The following RUNX1T1 variants were observed in gnomAD, a reference collection of about 807,000 sequenced individuals.
RUNX1T1 encodes the protein RUNX1 partner transcriptional co-repressor 1, also known as protein CBFA2T1.
In RUNX1T1, 4 loss-of-function variants were observed where a neutral mutation model predicts 62.8. The ratio of observed to expected loss-of-function variants is 0.06; its 90% confidence interval spans 0.03 to 0.15. The LOEUF (loss-of-function observed/expected upper bound fraction) is 0.15, where lower values mean the gene tolerates loss of function less well. Among genes scored for constraint, RUNX1T1 ranks in the 10% least tolerant of loss-of-function variants. The probability of loss-of-function intolerance (pLI) is 1.00; values close to 1 mark genes in which losing one functional copy is unlikely to be tolerated. For synonymous variants in RUNX1T1, 291 were observed against 286.0 expected, an observed-to-expected ratio of 1.02 and a Z score of -0.18; for missense variants, 508 against 754.3, an observed-to-expected ratio of 0.67 and a Z score of 3.82.
In RUNX1T1 at chr8:91,982,311, C is replaced by A. The variant is rs561890519; in HGVS notation, c.1198+3813G>T. On this transcript the variant is annotated intron_variant, in intron 8 of 10. Transcript: ENST00000396218. ...AAAACAAAAAGAGCGCACACAGATA[C>A]AAGACAAACTACAGAAAGATTCTAG... 2.0e-5 allele frequency among the ~76,000 whole-genome samples: 3 copies of A among 148,284 alleles called. No individual in the cohort carries two copies. In the East Asian group the frequency reaches 5.9e-4, roughly 29 times the overall value.
Position 92,005,102 on chromosome 8 carries a change from C to T in RUNX1T1, c.659+14G>A. ...AAAAGGTCATGGTTCATCCAGGCTC[C>T]TCCTCCCTCTCACCTGTCTGGAGTT... is the stretch of plus-strand genomic sequence containing the variant. On this transcript the variant is annotated intron_variant, in intron 5 of 10. Transcript: ENST00000396218. The T allele has an allele frequency of 6.3e-7, 1 of 1,587,404 alleles. No homozygotes were observed. The highest frequency in any genetic ancestry group is 8.6e-7 in the Non-Finnish European group (1 of 1,168,700).
At chr8:92,033,401 G>T (rs1284019888) in intron 1 of RUNX1T1, among the ~76,000 whole-genome samples, 2 of 152,200 alleles carry the variant, frequency 1.3e-5, no homozygotes, top group African/African-American at 4.8e-5. Context: ...TTTGTAAAAA[G>T]ACTAGAAGGG....
chr8:92,017,207 G>A lies in RUNX1T1; in HGVS notation c.145+19C>T. 2 of 1,510,834 alleles carry A rather than the reference G, an allele frequency of 1.3e-6. No individual in the cohort carries two copies. The highest frequency in any genetic ancestry group is 1.8e-6 in the Non-Finnish European group (2 of 1,102,170). The allele number at this position is 1,510,834 out of a possible 1,614,324, so 93.6% of individuals were successfully genotyped here. A position where few individuals can be genotyped will look rare whatever the true frequency, so the allele number is the denominator to read the frequency against. ...TAAACTTTAAAACTGAAACTCAAAAGCCTGAAATGACTACTTACACGTTGT... is the reference window on the plus strand; with the variant it reads ...TAAACTTTAAAACTGAAACTCAAAAACCTGAAATGACTACTTACACGTTGT... On this transcript the variant is annotated intron_variant, in intron 2 of 10. Coordinates refer to ENST00000396218, the Ensembl canonical transcript of RUNX1T1.
intron 1 of RUNX1T1, among the ~76,000 whole-genome samples, chr8:92,021,603 A>C (rs995073782): frequency 3.3e-5 from 5 of 152,152 alleles, no homozygotes; most frequent in African/African-American, 1.2e-4. Flanking sequence ...TCTCTCCACC[A>C]TTAGTAGTGA....
chr8:92,000,873 AG>A (rs536322475), intron 5 of RUNX1T1, among the ~76,000 whole-genome samples: 53 of 152,340 alleles, frequency 3.5e-4, no homozygotes, highest in Middle Eastern at 3.4e-3. Flanking sequence ...AAAAAAGAGA[AG>A]CTTAAGTCTT....
chr8:91,970,043 T>TGTGTGTGTGTGTTGTGTG (rs11374252), intron 10 of RUNX1T1, among the ~76,000 whole-genome samples: 1,621 of 142,770 alleles, frequency 0.011, 23 homozygotes, highest in African/African-American at 0.04. Context: ...TGTGTGTGTG[T>TGTGTGTGTGTGTTGTGTG]TGTGTGTGTG....
At chr8:92,062,976 T>A (rs200534802), upstream of RUNX1T1, 2,468 of 1,213,230 alleles carry the variant, frequency 2.0e-3, 9 homozygotes, top group South Asian at 5.6e-3. Flanking sequence ...ACCACCCCCA[T>A]CCTGTTCAAG....
At chr8:92,001,981 C>T (rs561114962) in intron 5 of RUNX1T1, among the ~76,000 whole-genome samples, 1 of 152,252 alleles carries the variant, frequency 6.6e-6, no homozygotes, top group East Asian at 1.9e-4. Context: ...TTAAAGAGGG[C>T]TCTTAGCTTC....
rs1820271441 is a variant in RUNX1T1 at position 92,004,085 on chromosome 8, C to T, written c.659+1031G>A. The stretch of plus-strand genomic sequence containing the variant: ...ATTCTGATTTGCAAAGCAGCTAATA[C>T]ATTTAAGGATAGCTAAGTCAGTCAC... On this transcript the variant is annotated intron_variant, in intron 5 of 10. Transcript: ENST00000396218. 5.3e-5 allele frequency among the ~76,000 whole-genome samples: 8 copies of T among 152,294 alleles called. No individual in the cohort carries two copies. The South Asian group carries it at 1.7e-3, about 32-fold the overall frequency.
At chr8:91,986,757 C>T (rs925541647) in intron 7 of RUNX1T1, 130 bp downstream of exon 8, 9 of 674,604 alleles carry the variant, frequency 1.3e-5, no homozygotes, top group Middle Eastern at 5.4e-4. Flanking sequence ...TATTCTCGCT[C>T]ATTTTTTTTT....
At chr8:91,989,264 T>C (rs1817185484) in intron 6 of RUNX1T1, among the ~76,000 whole-genome samples, 1 of 152,196 alleles carries the variant, frequency 6.6e-6, no homozygotes, top group Non-Finnish European at 1.5e-5. Flanking sequence ...TATATCTTTA[T>C]GACAATTTTT....
intron 1 of RUNX1T1, among the ~76,000 whole-genome samples, chr8:92,018,482 C>A (rs1049873970): frequency 4.3e-4 from 65 of 152,216 alleles, no homozygotes; most frequent in African/African-American, 1.5e-3. Context: ...CATGAACACA[C>A]ACACACCCAA....
At chr8:92,074,131 T>C (rs957157922) in intron 2 of RUNX1T1, among the ~76,000 whole-genome samples, 2 of 151,622 alleles carry the variant, frequency 1.3e-5, no homozygotes, top group Non-Finnish European at 2.9e-5. Flanking sequence ...TACAGGAGAG[T>C]AGGAGAGACA....
chr8:92,044,850 C>T (rs1829110577), intron 1 of RUNX1T1, among the ~76,000 whole-genome samples: 1 of 152,152 alleles, frequency 6.6e-6, no homozygotes, highest in Non-Finnish European at 1.5e-5. Context: ...CTATATTACC[C>T]TCCACCTGGA....
At chr8:92,051,063 CT>C (rs200249791) in intron 1 of RUNX1T1, among the ~76,000 whole-genome samples, 12 of 151,322 alleles carry the variant, frequency 7.9e-5, no homozygotes, top group East Asian at 1.9e-4. Flanking sequence ...ACTCTCCAGC[CT>C]TTTTTTTTAT....
intron 1 of RUNX1T1, among the ~76,000 whole-genome samples, chr8:92,024,497 CAAAAAAAAAAAAA>C (rs34547904): frequency 5.7e-5 from 1 of 17,534 alleles, no homozygotes; most frequent in Non-Finnish European, 1.1e-4. Context: ...AACCCCAACT[CAAAAAAAAAAAAA>C]AAAAAAAAAA....
At chr8:92,005,127 T>A in exon 5 of RUNX1T1, 1 of 1,610,344 alleles carries the variant, frequency 6.2e-7, no homozygotes, top group Non-Finnish European at 8.5e-7. Context: ...TGTCTGGAGT[T>A]CGCCTCTTCC....
chr8:91,969,574 T>G (rs1812348276), intron 10 of RUNX1T1, among the ~76,000 whole-genome samples: 1 of 152,186 alleles, frequency 6.6e-6, no homozygotes, highest in Non-Finnish European at 1.5e-5. Context: ...AATGGAAAAG[T>G]CAGCAGTTAA....
intron 1 of RUNX1T1, among the ~76,000 whole-genome samples, chr8:92,091,859 C>T (rs1036633234): frequency 6.6e-6 from 1 of 152,204 alleles, no homozygotes; most frequent in Non-Finnish European, 1.5e-5. Flanking sequence ...CAAACTACCT[C>T]TTCTTTTGAG....
Sources: allele counts gnomAD v4.1 joint callset (sites outside exome capture counted in the v4.1 genomes callset), GRCh38; gene constraint gnomAD v4.1.1; transcripts MANE v1.5; gene names NCBI Gene and HGNC (gene_info 2026-07-23, HGNC 2026-07-21).